The following PLCE1 variants were observed in gnomAD, a reference collection of about 807,000 sequenced individuals.
The protein encoded by PLCE1 is phospholipase C epsilon 1.
In PLCE1, 119 loss-of-function variants were observed where a neutral mutation model predicts 242.8. That is an observed-to-expected ratio of 0.49 (90% CI 0.42 to 0.57). The LOEUF is 0.57. Ranked by LOEUF, PLCE1 falls within the 20% of genes least tolerant of loss-of-function variation. PLCE1 has a pLI of 0.00. For missense variants in PLCE1, 2,441 were observed against 2,788.8 expected, an observed-to-expected ratio of 0.88 and a Z score of 2.81; for synonymous variants, 945 against 1,017.4, an observed-to-expected ratio of 0.93 and a Z score of 1.35.
At chr10:94,252,542 G>A (rs1476944413) in intron 9 of PLCE1, 44 bp downstream of exon 9, 2 of 1,510,358 alleles carry the variant, frequency 1.3e-6, no homozygotes, top group South Asian at 1.2e-5. Context: ...CATCTTCCAG[G>A]ACCGCTGTAT....
intron 4 of PLCE1, among the ~76,000 whole-genome samples, chr10:94,206,132 G>A (rs149175044): frequency 3.4e-4 from 52 of 152,298 alleles, no homozygotes; most frequent in South Asian, 6.2e-4. Context: ...GCAACCTCAA[G>A]TCGAGTGATG....
intron 7 of PLCE1, among the ~76,000 whole-genome samples, chr10:94,242,006 T>G (rs1423652982): frequency 6.6e-6 from 1 of 152,154 alleles, no homozygotes; most frequent in Non-Finnish European, 1.5e-5. Flanking sequence ...CTTTTTGCCA[T>G]CTAATAGTGA....
At chr10:94,170,644 C>T (rs1336406172) in intron 3 of PLCE1, among the ~76,000 whole-genome samples, 2 of 152,188 alleles carry the variant, frequency 1.3e-5, no homozygotes, top group East Asian at 3.8e-4. Flanking sequence ...ATCAAAGCCA[C>T]TCTTTGAGGG....
chr10:94,126,414 G>C (rs1485400953), intron 2 of PLCE1, among the ~76,000 whole-genome samples: 2 of 152,076 alleles, frequency 1.3e-5, no homozygotes, highest in African/African-American at 4.8e-5. Context: ...ATATATAATA[G>C]CCTACAATTT....
chr10:94,234,216 T>C lies in PLCE1; in HGVS notation c.2118T>C (p.Cys706=). Residue 706 remains cysteine, a synonymous_variant, in exon 6 of 33, where the codon TGT becomes TGC. Coordinates refer to ENST00000371380, the MANE Select transcript of PLCE1 (RefSeq NM_016341.4). The part of the protein sequence containing the change: ...HIPGCKVVPF[C]GVFLKELCEV... ...CTGGCTGTAAGGTGGTTCCATTCTG[T>C]GGGGTGTTTCTGAAGGAGCTCTGTG... 6.2e-7 allele frequency: 1 copy of C among 1,614,054 alleles called. No homozygotes were observed. Among genetic ancestry groups the C allele is most frequent in the Non-Finnish European group, 8.5e-7 (1 of 1,179,968 alleles).
At chr10:94,186,920 G>A (rs929435234) in intron 4 of PLCE1, among the ~76,000 whole-genome samples, 13 of 152,268 alleles carry the variant, frequency 8.5e-5, no homozygotes, top group African/African-American at 2.9e-4. Context: ...CCTTGCACTG[G>A]GCACTGAGCC....
chr10:94,269,096 T>C (rs923123771), intron 17 of PLCE1, 60 bp downstream of exon 17: 4 of 192,098 alleles, frequency 2.1e-5, no homozygotes, highest in Non-Finnish European at 3.7e-5. Flanking sequence ...TCATTTGTCT[T>C]TTTTTTTTTT....
At chr10:94,023,309 A>G (rs1007681923) in intron 1 of PLCE1, among the ~76,000 whole-genome samples, 1 of 152,176 alleles carries the variant, frequency 6.6e-6, no homozygotes, top group African/African-American at 2.4e-5. Context: ...GAAGCTGGAA[A>G]AAATAGACTA....
At chr10:94,304,738 A>C (rs1300635009) in intron 25 of PLCE1, 93 bp downstream of exon 25, 1 of 1,257,160 alleles carries the variant, frequency 8.0e-7, no homozygotes, top group South Asian at 1.2e-5. Context: ...GAAAGCTGTC[A>C]TGTCACAATT....
chr10:94,236,239 C>A, intron 7 of PLCE1, 119 bp downstream of exon 7: 1 of 754,878 alleles, frequency 1.3e-6, no homozygotes, highest in South Asian at 1.5e-5. Flanking sequence ...CCACTTTTAT[C>A]ATTAAGCCAC....
intron 28 of PLCE1, chr10:94,315,136 T>A: frequency 3.4e-6 from 1 of 293,522 alleles, no homozygotes; most frequent in South Asian, 3.5e-5. Context: ...GAATTATCCC[T>A]ATAGTATTTG....
At chr10:94,248,244 T>C (rs755558575) in intron 8 of PLCE1, among the ~76,000 whole-genome samples, 23 of 152,324 alleles carry the variant, frequency 1.5e-4, no homozygotes, top group Non-Finnish European at 3.2e-4. Context: ...GATAGGCCTA[T>C]GTACACAATT....
intron 1 of PLCE1, among the ~76,000 whole-genome samples, chr10:94,020,679 T>TC (rs1271309257): frequency 6.6e-6 from 1 of 152,176 alleles, no homozygotes; most frequent in East Asian, 1.9e-4. Flanking sequence ...TCATTTTTTT[T>TC]CATGCAGAAG....
chr10:94,298,284 C>A lies in PLCE1; in HGVS notation c.5168-95C>A. On this transcript the variant is annotated intron_variant, in intron 23 of 32. Coordinates refer to ENST00000371380, the MANE Select transcript of PLCE1 (RefSeq NM_016341.4). This position sits in a 1 kb window ranked among gnomAD's most constrained non-coding sequence, Gnocchi z 5.2. ...GAGGTATTCTGATGTGGTTTATATG[C>A]TATGACTGTTTACTGGGATGTTGTT... The A allele has an allele frequency of 8.9e-7, 1 of 1,127,598 alleles. No homozygotes were observed. The highest frequency in any genetic ancestry group is 1.3e-6 in the Non-Finnish European group (1 of 746,850). The allele number at this position is 1,127,598 out of a possible 1,614,324, so 69.8% of individuals were successfully genotyped here.
chr10:94,045,443 T>C (rs1028446966), intron 2 of PLCE1, among the ~76,000 whole-genome samples: 1 of 152,196 alleles, frequency 6.6e-6, no homozygotes, highest in Non-Finnish European at 1.5e-5. Context: ...GCCTGGCCCA[T>C]CTTCTATAAT....
chr10:94,177,627 T>C (rs1298459057), intron 4 of PLCE1, among the ~76,000 whole-genome samples: 1 of 152,176 alleles, frequency 6.6e-6, no homozygotes, highest in Non-Finnish European at 1.5e-5. Context: ...CCACGAAATC[T>C]CTCACTTTGA....
chr10:93,999,679 C>T (rs1301395312), intron 1 of PLCE1, among the ~76,000 whole-genome samples: 4 of 152,216 alleles, frequency 2.6e-5, no homozygotes, highest in African/African-American at 7.2e-5. Flanking sequence ...GCCTCCCTCT[C>T]GCTCCCACCT....
chr10:94,327,830 A>T, intron 32 of PLCE1, 138 bp from the exon 33 acceptor site: 1 of 266,928 alleles, frequency 3.7e-6, no homozygotes, highest in Non-Finnish European at 8.3e-6. Context: ...TAACATTGTG[A>T]GTACAGAGGA....
chr10:94,235,679 T>G, intron 6 of PLCE1: 2 of 971,854 alleles, frequency 2.1e-6, no homozygotes, highest in Non-Finnish European at 2.4e-6. Flanking sequence ...TGTTTTAAAT[T>G]TGAAGTGGAG....
Sources: allele counts gnomAD v4.1 joint callset (sites outside exome capture counted in the v4.1 genomes callset), GRCh38; gene constraint gnomAD v4.1.1; non-coding constraint Gnocchi (gnomAD v3.1); transcripts MANE v1.5; gene names NCBI Gene and HGNC (gene_info 2026-07-23, HGNC 2026-07-21).